RBM5: variants seen among roughly 807,000 people sequenced by gnomAD.
The protein encoded by RBM5 is RNA binding motif protein 5.
A neutral mutation model predicts 124.6 loss-of-function variants in RBM5; 15 were observed. The observed-to-expected ratio is 0.12, with a 90% CI of 0.08 to 0.19. The LOEUF is 0.19. Among genes scored for constraint, RBM5 ranks in the 10% least tolerant of loss-of-function variants. The pLI is 1.00. For synonymous variants in RBM5, 337 were observed against 361.2 expected (o/e 0.93, Z 0.76); for missense variants, 580 against 1,026.5 (o/e 0.57, Z 5.94).
In RBM5 at chr3:50,090,461, T is replaced by C; in HGVS notation, c.17+10T>C. On this transcript the variant is annotated intron_variant, in intron 2 of 24. Transcript: ENST00000347869. ...TGGGTTCAGACAAAAGGTAAGTTAC[T>C]ACAGTACGTGGCTTTGATCTCAACA... The C allele has an allele frequency of 6.2e-7, 1 of 1,613,980 alleles. No individual in the cohort carries two copies. The highest frequency in any genetic ancestry group is 8.5e-7 in the Non-Finnish European group (1 of 1,179,896).
chr3:50,105,700 C>T lies in RBM5; in HGVS notation c.846C>T (p.Ser282=), dbSNP rs1279145378. 6.2e-7 allele frequency: 1 copy of T among 1,614,074 alleles called. No individual in the cohort carries two copies. Among genetic ancestry groups the T allele is most frequent in the Non-Finnish European group, 8.5e-7 (1 of 1,179,974 alleles). The change falls in exon 10 of 25, where the codon TCC becomes TCT. Residue 282 remains serine (S), a synonymous_variant. Coordinates refer to ENST00000347869, the MANE Select transcript of RBM5 (RefSeq NM_005778.4). ...GAGGCTTCGCATTTGTGCAGCTGTC[C>T]TCTGCAATGGTGAGGTTCTCATCGA... ...QNRGFAFVQL[S]SAMDASQLLQ...
At chr3:50,107,984 C>A in intron 12 of RBM5, 86 bp from the exon 13 acceptor site, 2 of 1,157,682 alleles carry the variant, frequency 1.7e-6, no homozygotes, top group Non-Finnish European at 2.6e-6. Context: ...CAGCGCCCAG[C>A]ATCATGAGCT....
At chr3:50,118,302 C>G in intron 24 of RBM5, 29 bp from the exon 25 acceptor site, 6 of 1,613,524 alleles carry the variant, frequency 3.7e-6, no homozygotes, top group Non-Finnish European at 5.1e-6. Context: ...TACCCTACCT[C>G]CCAGCTGACA....
chr3:50,107,613 G>A (rs747217922), intron 12 of RBM5, 44 bp downstream of exon 12: 1 of 1,420,790 alleles, frequency 7.0e-7, no homozygotes, highest in South Asian at 1.1e-5. Flanking sequence ...TGGTGGTGGT[G>A]CCCAGATTCA....
rs1282624547 is a variant in RBM5 at position 50,105,715 on chromosome 3, G to A, written c.855+6G>A. 6.2e-7 allele frequency: 1 copy of A among 1,612,536 alleles called. No individual in the cohort carries two copies. Among genetic ancestry groups the A allele is most frequent in the East Asian group, 2.2e-5 (1 of 44,874 alleles). ...TGCAGCTGTCCTCTGCAATGGTGAGGTTCTCATCGATTCTTTCCTTTTTAA... is the reference window on the plus strand; with the variant it reads ...TGCAGCTGTCCTCTGCAATGGTGAGATTCTCATCGATTCTTTCCTTTTTAA... On this transcript the variant is annotated splice_donor_region_variant and intron_variant, in intron 10 of 24. Transcript: ENST00000347869.
At position 50,113,379 on chromosome 3, in the gene RBM5, C is replaced by G; in HGVS notation, c.1456-4C>G. ...TTAATTGTTTTTTGTTTGTTGTTTT[C>G]TAGTACTACTATAATTCCTTGACCC... On this transcript the variant is annotated splice_polypyrimidine_tract_variant and splice_region_variant and intron_variant, in intron 17 of 24. Transcript: ENST00000347869. 3 of 1,600,974 alleles carry G rather than the reference C, an allele frequency of 1.9e-6. No individual in the cohort carries two copies. The highest frequency in any genetic ancestry group is 2.6e-6 in the Non-Finnish European group (3 of 1,175,712).
chr3:50,098,358 C>T (rs2108994191), intron 4 of RBM5, among the ~76,000 whole-genome samples: 1 of 152,246 alleles, frequency 6.6e-6, no homozygotes, highest in East Asian at 1.9e-4. Flanking sequence ...ACCTCGAACT[C>T]CTGGGCTTAA....
chr3:50,104,375 T>A (rs2090994442), intron 8 of RBM5, 67 bp downstream of exon 8: 12 of 1,475,604 alleles, frequency 8.1e-6, no homozygotes, highest in Non-Finnish European at 1.0e-5. Flanking sequence ...GAGCAGTGGC[T>A]CACTGTAATC....
chr3:50,095,235 T>A (rs1197845380), intron 4 of RBM5, among the ~76,000 whole-genome samples: 1 of 152,198 alleles, frequency 6.6e-6, no homozygotes, highest in Non-Finnish European at 1.5e-5. Flanking sequence ...ATATTTAGGC[T>A]TTGAAGCTCA....
In RBM5 at chr3:50,114,271, G is replaced by A; in HGVS notation, c.1839+20G>A. 1 of 1,590,608 alleles carries A rather than the reference G, an allele frequency of 6.3e-7. No homozygotes were observed. The highest frequency in any genetic ancestry group is 8.5e-7 in the Non-Finnish European group (1 of 1,172,948). ...CTCAAAGTAAGGGAGTACCACCAGT[G>A]TTTTAAAGACCCTATCTGTGGTTTG... On this transcript the variant is annotated intron_variant, in intron 20 of 24. Coordinates refer to ENST00000347869, the MANE Select transcript of RBM5 (RefSeq NM_005778.4).
In RBM5 at chr3:50,109,360, A is replaced by G. The variant is rs1184169207; in HGVS notation, c.1193-243A>G. On this transcript the variant is annotated intron_variant, in intron 14 of 24. Transcript: ENST00000347869. ...AGTGCTGGGATTACAGGCCTGAGCC[A>G]CTGCACCCGGCCTCTTCTCTTTTTC... Among the ~76,000 whole-genome samples, 3 of 152,198 alleles carry G rather than the reference A, an allele frequency of 2.0e-5. No individual in the cohort carries two copies. In the East Asian group the frequency reaches 5.8e-4, roughly 29 times the overall value.
chr3:50,117,733 A>C lies in RBM5; in HGVS notation c.2322+354A>C, dbSNP rs1464461345. ...CAGGAGGAGGTTGCAGTGAGCCGAG[A>C]TCACGCCACTGCACTCCAGCCTGGG... On this transcript the variant is annotated intron_variant, in intron 24 of 24. Coordinates refer to ENST00000347869, the MANE Select transcript of RBM5 (RefSeq NM_005778.4). The surrounding 1 kb of genome is among the most constrained non-coding windows in gnomAD (Gnocchi z 4.2). 1 of 196,012 alleles carries C rather than the reference A, an allele frequency of 5.1e-6. No homozygotes were observed. Among genetic ancestry groups the C allele is most frequent in the Non-Finnish European group, 1.1e-5 (1 of 93,958 alleles). 12.1% of individuals were successfully genotyped at this position (196,012 alleles called of 1,614,324 possible).
rs777931549 is a variant in RBM5, at chr3:50,108,307, A to G, written c.1192+3A>G. 2.5e-6 allele frequency: 4 copies of G among 1,602,942 alleles called. No homozygotes were observed. The Middle Eastern group carries it at 5.0e-4, about 199-fold the overall frequency. ...ATCTGATGCATCATCTGCATCAGGT[A>G]GTAAACTTCATCTCCCTTTTACCTT... On this transcript the variant is annotated splice_donor_region_variant and intron_variant, in intron 14 of 24. Transcript: ENST00000347869.
At chr3:50,092,265 A>C in intron 3 of RBM5, 57 bp downstream of exon 3, 1 of 1,560,878 alleles carries the variant, frequency 6.4e-7, no homozygotes, top group Non-Finnish European at 8.7e-7. Context: ...ATAGTAATAG[A>C]AATAACAGCC....
In RBM5 at chr3:50,115,911, C is replaced by T; in HGVS notation, c.2025C>T (p.Asn675=). 1 of 1,612,632 alleles carries T rather than the reference C, an allele frequency of 6.2e-7. No homozygotes were observed. Among genetic ancestry groups the T allele is most frequent in the Non-Finnish European group, 8.5e-7 (1 of 1,178,678 alleles). The stretch of plus-strand genomic sequence containing the variant: ...CTTTCAAATCTTTTGTGTAGCAAAA[C>T]ATGGACATCTATCGACGATCCAGGC... ...HQQLSDLHKQ[N]MDIYRRSRLS... Residue 675 remains asparagine (N), a synonymous_variant, in exon 22 of 25, where the codon AAC becomes AAT. Coordinates refer to ENST00000347869, the MANE Select transcript of RBM5 (RefSeq NM_005778.4).
chr3:50,092,851 C>T, intron 3 of RBM5: 1 of 336,768 alleles, frequency 3.0e-6, no homozygotes, highest in Non-Finnish European at 6.1e-6. Flanking sequence ...GAGTTAGAGG[C>T]CAGCCTGGGC....
intron 6 of RBM5, chr3:50,102,734 GA>G (rs2090964653): frequency 7.5e-6 from 2 of 264,944 alleles, no homozygotes; most frequent in Non-Finnish European, 1.5e-5. Context: ...AGAACTGAGA[GA>G]ATTGTGTCTT....
chr3:50,099,894 C>A, intron 4 of RBM5, 88 bp from the exon 5 acceptor site: 1 of 1,175,404 alleles, frequency 8.5e-7, no homozygotes, highest in Non-Finnish European at 1.2e-6. Flanking sequence ...AAAAACTTGG[C>A]TAATTAAACA....
intron 4 of RBM5, among the ~76,000 whole-genome samples, chr3:50,095,777 C>G (rs1399427703): frequency 4.6e-5 from 7 of 152,172 alleles, no homozygotes; most frequent in Non-Finnish European, 7.4e-5. Flanking sequence ...AAATAGGCCT[C>G]TGTGTGAACT....
Sources: gnomAD v4.1 joint callset for allele counts (sites outside exome capture counted in the v4.1 genomes callset) on GRCh38, gnomAD v4.1.1 for gene constraint, Gnocchi (gnomAD v3.1) non-coding constraint, MANE v1.5 for transcripts, NCBI Gene and HGNC (gene_info 2026-07-23, HGNC 2026-07-21) for gene names.